FRMD1: variants seen among roughly 807,000 people sequenced by gnomAD.
FRMD1 encodes FERM domain-containing protein 1.
Under a neutral mutation model 54.9 loss-of-function variants are expected in FRMD1, and 51 were observed. The observed-to-expected ratio is 0.93, with a 90% CI of 0.74 to 1.17. FRMD1 has a LOEUF of 1.17. Ranked by LOEUF, FRMD1 falls within the 50% of genes most tolerant of loss-of-function variation. FRMD1 has a pLI of 0.00. For missense variants in FRMD1, 729 were observed against 743.0 expected, an observed-to-expected ratio of 0.98 and a Z score of 0.22; for synonymous variants, 324 against 306.4, an observed-to-expected ratio of 1.06 and a Z score of -0.60.
At chr6:168,072,921 T>C (rs1022971323) in intron 2 of FRMD1, among the ~76,000 whole-genome samples, 6 of 152,156 alleles carry the variant, frequency 3.9e-5, no homozygotes, top group African/African-American at 1.2e-4. Flanking sequence ...TGACTCTCAC[T>C]GTGATTAAAA....
rs1799762232 is a variant in FRMD1, at chr6:168,061,936, T to G, written c.916A>C (p.Lys306Gln). 2 of 1,600,992 alleles carry G rather than the reference T, an allele frequency of 1.2e-6. No homozygotes were observed. Among genetic ancestry groups the G allele is most frequent in the Non-Finnish European group, 1.7e-6 (2 of 1,175,012 alleles). Residue 306 changes from lysine to glutamine, a missense_variant, in exon 8 of 11, where the codon AAG becomes CAG. Physicochemically the swap from Lys to Gln is moderately conservative, Grantham distance 53. Transcript: ENST00000283309. ...GTGCACCCCGTGTAGTAAACCAGCT[T>G]CTGTGCTGCGGGCAGCCCATCCAGC... The part of the protein sequence containing the change: ...IQLDGLPAAQ[K>Q]LVYYTGCTWR...
Position 168,056,991 on chromosome 6 carries a change from A to G in FRMD1, c.*106T>C, listed in dbSNP as rs114333228. 4,927 of 1,294,470 alleles carry G rather than the reference A, an allele frequency of 3.8e-3. 61 individuals carry two copies. In the African/African-American group the frequency reaches 0.04, roughly 11 times the overall value. The allele number at this position is 1,294,470 out of a possible 1,614,324, so 80.2% of individuals were successfully genotyped here. On this transcript the variant is annotated 3_prime_UTR_variant, in exon 11 of 11. Transcript: ENST00000283309. ...ACCTGTGGAGCGTGCTGGCTGCGGA[A>G]GTGCAGGCAGCATCTGGCGGGCAGG...
chr6:168,055,564 G>A lies in FRMD1; in HGVS notation c.*1533C>T, dbSNP rs1799369169. ...GAAGATAGTCATTGCCCCGGAGCGGGGCAAATCAATCATCTTGTACTAATG... is the reference window on the plus strand; with the variant it reads ...GAAGATAGTCATTGCCCCGGAGCGGAGCAAATCAATCATCTTGTACTAATG... On this transcript the variant is annotated 3_prime_UTR_variant, in exon 11 of 11. Coordinates refer to ENST00000283309, the MANE Select transcript of FRMD1 (RefSeq NM_024919.6). 6.6e-6 allele frequency: 1 copy of A among 152,152 alleles called. No individual in the cohort carries two copies. The highest frequency in any genetic ancestry group is 6.5e-5 in the Admixed American group (1 of 15,288). 9.4% of individuals were successfully genotyped at this position (152,152 alleles called of 1,614,324 possible).
At chr6:168,080,728 G>A (rs558176198), upstream of FRMD1, among the ~76,000 whole-genome samples, 1 of 152,298 alleles carries the variant, frequency 6.6e-6, no homozygotes, top group African/African-American at 2.4e-5. Flanking sequence ...CCCCTCGGTG[G>A]GGAGAGCCGG....
At position 168,063,586 on chromosome 6, in the gene FRMD1, C is replaced by T. The variant is rs568250634; in HGVS notation, c.804+15G>A. ...AGTCAGAGTCCAGCCCATCGCTGGC[C>T]GCCCTGGGCTCGACCTTGTGCAGCC... On this transcript the variant is annotated intron_variant, in intron 6 of 10. Coordinates refer to ENST00000283309, the MANE Select transcript of FRMD1 (RefSeq NM_024919.6). 1.0e-4 allele frequency: 162 copies of T among 1,599,578 alleles called. No homozygotes were observed. Among genetic ancestry groups the T allele is most frequent in the Middle Eastern group, 1.7e-4 (1 of 5,844 alleles).
intron 10 of FRMD1, chr6:168,057,573 T>G: frequency 1.7e-6 from 1 of 575,328 alleles, no homozygotes; most frequent in Non-Finnish European, 3.0e-6. Flanking sequence ...CCAGCTTCTT[T>G]CCTGGGGCTG....
chr6:168,080,651 G>A (rs549630372), upstream of FRMD1, among the ~76,000 whole-genome samples: 1 of 152,298 alleles, frequency 6.6e-6, no homozygotes, highest in Admixed American at 6.5e-5. Context: ...GCAGGCAGGG[G>A]CCAGGGTTGG....
In FRMD1 at chr6:168,053,164, G is replaced by GTTCACC. The variant is rs1554253132; in HGVS notation, c.*3932_*3933insGGTGAA. ...ATTAACCCGCGCCATTTTCCCCACT[G>GTTCACC]CGTGTTCACCTCTTCACGCGCCTTT... On this transcript the variant is annotated 3_prime_UTR_variant, in exon 11 of 11. Coordinates refer to ENST00000283309, the MANE Select transcript of FRMD1 (RefSeq NM_024919.6). The GTTCACC allele has an allele frequency of 4.6e-5, 7 of 151,808 alleles. No individual in the cohort carries two copies. The East Asian group carries it at 5.9e-4, about 13-fold the overall frequency. The allele number at this position is 151,808 out of a possible 1,614,324, so 9.4% of individuals were successfully genotyped here. A position where few individuals can be genotyped will look rare whatever the true frequency, so the allele number is the denominator to read the frequency against.
At chr6:168,063,803 C>A in intron 5 of FRMD1, 47 bp from the exon 6 acceptor site, 1 of 1,552,058 alleles carries the variant, frequency 6.4e-7, no homozygotes, top group South Asian at 1.2e-5. Flanking sequence ...CTGGTCCCCC[C>A]TTCCTCCTTG....
chr6:168,080,838 C>T (rs950360966), upstream of FRMD1, among the ~76,000 whole-genome samples: 5 of 150,984 alleles, frequency 3.3e-5, no homozygotes, highest in African/African-American at 4.9e-5. Flanking sequence ...TTTGTGCGGG[C>T]GCTGGTGTGT....
At chr6:168,087,252 A>G (rs897598202) in intron 1 of FRMD1, among the ~76,000 whole-genome samples, 2 of 152,050 alleles carry the variant, frequency 1.3e-5, no homozygotes, top group Non-Finnish European at 2.9e-5. Flanking sequence ...ATTTTTTGGT[A>G]GACACAGGGT....
chr6:168,053,770 G>T lies in FRMD1; in HGVS notation c.*3327C>A, dbSNP rs933292751. The T allele has an allele frequency of 6.6e-6, 1 of 152,254 alleles. No individual in the cohort carries two copies. Among genetic ancestry groups the T allele is most frequent in the African/African-American group, 2.4e-5 (1 of 41,468 alleles). The allele number at this position is 152,254 out of a possible 1,614,324, so 9.4% of individuals were successfully genotyped here. On this transcript the variant is annotated 3_prime_UTR_variant, in exon 11 of 11. Transcript: ENST00000283309. ...GGGGAACCCAGAGTCCATGGGCCAC[G>T]ACGGGCTGATGCTCGGCTTGGGAAC...
At chr6:168,089,701 G>A (rs775673452) in intron 1 of FRMD1, among the ~76,000 whole-genome samples, 2 of 152,228 alleles carry the variant, frequency 1.3e-5, no homozygotes, top group African/African-American at 4.8e-5. Flanking sequence ...CCTGAGGGCC[G>A]CCCAGCGGGG....
intron 1 of FRMD1, among the ~76,000 whole-genome samples, chr6:168,090,975 G>A (rs2115034230): frequency 6.6e-6 from 1 of 152,294 alleles, no homozygotes; most frequent in East Asian, 1.9e-4. Context: ...AGGTCGGCAG[G>A]AAGCCCTCAC....
chr6:168,066,976 G>A (rs1457450585), intron 3 of FRMD1, 145 bp from the exon 4 acceptor site: 15 of 1,037,596 alleles, frequency 1.4e-5, no homozygotes, highest in Admixed American at 1.3e-4. Flanking sequence ...CTGACAATTC[G>A]ACTCATGGTA....
upstream of FRMD1, among the ~76,000 whole-genome samples, chr6:168,079,819 A>G (rs528851388): frequency 2.9e-3 from 447 of 152,296 alleles, 1 homozygote; most frequent in African/African-American, 0.01. Context: ...GTGCATCAGC[A>G]CGAGGGGTGG....
Position 168,062,880 on chromosome 6 carries a change from G to A in FRMD1, c.870+14C>T, listed in dbSNP as rs373718050. The stretch of plus-strand genomic sequence containing the variant: ...GGACGAGGGGCTCTGTGAGGCTGGA[G>A]CCCCTTCGGTCACCTGGTAGATGTG... On this transcript the variant is annotated intron_variant, in intron 7 of 10. Transcript: ENST00000283309. The A allele has an allele frequency of 6.2e-7, 1 of 1,612,744 alleles. No homozygotes were observed. The highest frequency in any genetic ancestry group is 8.5e-7 in the Non-Finnish European group (1 of 1,178,800).
chr6:168,065,603 C>T, intron 4 of FRMD1: 2 of 986,754 alleles, frequency 2.0e-6, no homozygotes, highest in African/African-American at 1.7e-5. Flanking sequence ...CATCCATCAA[C>T]CCAACACTTT....
At chr6:168,071,263 G>T (rs1461653260) in intron 2 of FRMD1, among the ~76,000 whole-genome samples, 1 of 152,162 alleles carries the variant, frequency 6.6e-6, no homozygotes, top group Non-Finnish European at 1.5e-5. Context: ...CACATCTCTT[G>T]TTTTTTGCTA....
Sources: allele counts gnomAD v4.1 joint callset (sites outside exome capture counted in the v4.1 genomes callset), GRCh38; gene constraint gnomAD v4.1.1; transcripts MANE v1.5; gene names NCBI Gene and HGNC (gene_info 2026-07-23, HGNC 2026-07-21).